The following CD1E variants were observed in gnomAD, a reference collection of about 807,000 sequenced individuals.
CD1E encodes the protein T-cell surface glycoprotein CD1e, membrane-associated.
Under a neutral mutation model 40.1 loss-of-function variants are expected in CD1E, and 49 were observed. That is an observed-to-expected ratio of 1.22 (90% CI 0.97 to 1.55). The LOEUF is 1.55. Among genes scored for constraint, CD1E ranks in the 40% most tolerant of loss-of-function variants. The probability of loss-of-function intolerance (pLI) is 0.00; values close to 1 mark genes in which losing one functional copy is unlikely to be tolerated. For synonymous variants in CD1E, 189 were observed against 178.3 expected, an observed-to-expected ratio of 1.06 and a Z score of -0.48; for missense variants, 492 against 471.3, an observed-to-expected ratio of 1.04 and a Z score of -0.41.
chr1:158,354,766 C>A, intron 2 of CD1E, 93 bp downstream of exon 2: 1 of 1,104,774 alleles, frequency 9.1e-7, no homozygotes, highest in East Asian at 2.5e-5. Context: ...CATCATTTAA[C>A]CTTACTAACC....
Position 158,353,933 on chromosome 1 carries a change from T to C in CD1E, c.-56T>C, listed in dbSNP as rs1325906444. The C allele has an allele frequency of 1.4e-5, 19 of 1,398,158 alleles. No individual in the cohort carries two copies. Among genetic ancestry groups the C allele is most frequent in the Non-Finnish European group, 1.9e-5 (19 of 984,112 alleles). The allele number at this position is 1,398,158 out of a possible 1,614,324, so 86.6% of individuals were successfully genotyped here. ...GAGGGTGTGGAGAGGGGTACTGATA[T>C]CTGAATTATTAGGGCAGGTGTCCTG... On this transcript the variant is annotated 5_prime_UTR_variant, in exon 1 of 6. Transcript: ENST00000368167.
chr1:158,354,143 C>T, intron 1 of CD1E, 97 bp downstream of exon 1: 3 of 1,087,080 alleles, frequency 2.8e-6, no homozygotes, highest in Non-Finnish European at 2.8e-6. Context: ...CAGTACTCTT[C>T]TAGGATGCCC....
In CD1E at chr1:158,354,481, G is replaced by A. The variant is rs779253608; in HGVS notation, c.163G>A (p.Gly55Ser). 6 of 1,613,974 alleles carry A rather than the reference G, an allele frequency of 3.7e-6. No homozygotes were observed. In the East Asian group the frequency reaches 6.7e-5, roughly 18 times the overall value. ...FANHSWAHSE[G>S]SGWLGDLQTH... The stretch of plus-strand genomic sequence containing the variant: ...CAACCACAGCTGGGCACACAGTGAG[G>A]GCTCAGGATGGCTGGGTGACCTGCA... Residue 55 changes from glycine (G) to serine (S), a missense_variant, in exon 2 of 6, where the codon GGC becomes AGC. Physicochemically the swap from Gly to Ser is moderately conservative, Grantham distance 56 (BLOSUM62 0). Transcript: ENST00000368167.
rs995121528 is a variant in CD1E at position 158,356,353 on chromosome 1, A to G, written c.905-145A>G. On this transcript the variant is annotated intron_variant, in intron 4 of 5. Coordinates refer to ENST00000368167, the MANE Select transcript of CD1E (RefSeq NM_030893.4). Reference sequence around the variant, plus strand: ...GGAGAGGGTTGGGAGGAGATCACAGACAAAGGATCAGGAGGAATTGAAATG... The same window carrying G: ...GGAGAGGGTTGGGAGGAGATCACAGGCAAAGGATCAGGAGGAATTGAAATG... 3.8e-6 allele frequency: 3 copies of G among 789,194 alleles called. No individual in the cohort carries two copies. In the African/African-American group the frequency reaches 5.2e-5, roughly 14 times the overall value. 48.9% of individuals were successfully genotyped at this position (789,194 alleles called of 1,614,324 possible).
chr1:158,354,499 G>A lies in CD1E; in HGVS notation c.181G>A (p.Asp61Asn), dbSNP rs1653365303. ...CAGTGAGGGCTCAGGATGGCTGGGT[G>A]ACCTGCAGACTCATGGCTGGGACAC... ...AHSEGSGWLG[D>N]LQTHGWDTVL... is the part of the protein sequence containing the mutation. Residue 61 changes from aspartate (D) to asparagine (N), a missense_variant, in exon 2 of 6, where the codon GAC becomes AAC. Physicochemically the swap from Asp to Asn is conservative, Grantham distance 23. Transcript: ENST00000368167. 6.2e-7 allele frequency: 1 copy of A among 1,614,134 alleles called. No individual in the cohort carries two copies. The highest frequency in any genetic ancestry group is 1.1e-5 in the South Asian group (1 of 91,064).
rs1261588404 is a variant in CD1E, at chr1:158,354,368, C to T, written c.59-9C>T. 1 of 1,576,854 alleles carries T rather than the reference C, an allele frequency of 6.3e-7. No homozygotes were observed. Among genetic ancestry groups the T allele is most frequent in the South Asian group, 1.2e-5 (1 of 84,490 alleles). ...CATTCTCTCTACTTGTCATTTCCCT[C>T]TCTCTCAGCTCCCCAGGCTCTACAA... On this transcript the variant is annotated splice_polypyrimidine_tract_variant and intron_variant, in intron 1 of 5. Transcript: ENST00000368167.
chr1:158,356,851 C>T lies in CD1E; in HGVS notation c.1122C>T (p.Asn374=), dbSNP rs996692178. The part of the protein sequence containing the change: ...FCLAQVSWIK[N]RVLKKWKTRL... ...TGGCACAAGTATCGTGGATCAAAAA[C>T]AGAGTATTGAAGAAGTGGAAGACAC... The change falls in exon 6 of 6, where the codon AAC becomes AAT. Residue 374 remains asparagine (N), a synonymous_variant. Coordinates refer to ENST00000368167, the MANE Select transcript of CD1E (RefSeq NM_030893.4). 2 of 1,613,922 alleles carry T rather than the reference C, an allele frequency of 1.2e-6. No homozygotes were observed. The highest frequency in any genetic ancestry group is 1.7e-6 in the Non-Finnish European group (2 of 1,180,016).
rs373972383 is a variant in CD1E at position 158,356,710 on chromosome 1, C to T, written c.999-18C>T. On this transcript the variant is annotated intron_variant, in intron 5 of 5. Coordinates refer to ENST00000368167, the MANE Select transcript of CD1E (RefSeq NM_030893.4). ...TATTTCCTTTCTTTGAGATTAATAT[C>T]CTCCTCTTTTCCCACAGTTCAAATA... The T allele has an allele frequency of 5.0e-5, 81 of 1,608,656 alleles. No individual in the cohort carries two copies. Among genetic ancestry groups the T allele is most frequent in the Non-Finnish European group, 6.3e-5 (74 of 1,177,238 alleles).
Position 158,354,601 on chromosome 1 carries a change from T to A in CD1E, c.283T>A (p.Ser95Thr). The change falls in exon 2 of 6, where the codon TCA becomes ACA. Residue 95 changes from serine to threonine, a missense_variant. Ser to Thr is a moderately conservative substitution (Grantham distance 58, BLOSUM62 1). Transcript: ENST00000368167. ...FSKQELKNLQ[S>T]LFQLYFHSFI... ...CAAGCAGGAGCTGAAAAACTTACAG[T>A]CACTGTTCCAGTTATACTTCCATAG... 1 of 1,614,168 alleles carries A rather than the reference T, an allele frequency of 6.2e-7. No homozygotes were observed. The highest frequency in any genetic ancestry group is 8.5e-7 in the Non-Finnish European group (1 of 1,180,008).
chr1:158,355,232 T>C, intron 2 of CD1E, 68 bp from the exon 3 acceptor site: 1 of 1,492,570 alleles, frequency 6.7e-7, no homozygotes, highest in Non-Finnish European at 9.2e-7. Flanking sequence ...CTCTTTACTG[T>C]CTAAATTGTT....
rs189080963 is a variant in CD1E at position 158,355,978 on chromosome 1, C to T, written c.777C>T (p.Val259=). ...AGCGGGGCACTCAGCGAGGGGACGT[C>T]CTGCCTAATGCTGACGAGACATGGT... The part of the protein sequence containing the change: ...QEQRGTQRGD[V]LPNADETWYL... Residue 259 remains valine, a synonymous_variant, in exon 4 of 6, where the codon GTC becomes GTT. Transcript: ENST00000368167. 2.6e-3 allele frequency: 4,120 copies of T among 1,614,110 alleles called. 62 individuals carry two copies. In the Admixed American group the frequency reaches 0.031, roughly 12 times the overall value.
Position 158,355,319 on chromosome 1 carries a change from A to G in CD1E, c.375A>G (p.Ile125Met). 4 of 1,613,944 alleles carry G rather than the reference A, an allele frequency of 2.5e-6. No homozygotes were observed. The highest frequency in any genetic ancestry group is 3.4e-6 in the Non-Finnish European group (4 of 1,179,902). The change falls in exon 3 of 6, where the codon ATA becomes ATG. Residue 125 changes from isoleucine (I) to methionine (M), a missense_variant. Transcript: ENST00000368167. ...FQLEYPFEIQILAGCRMNAPQ... is the reference protein window; with the variant it reads ...FQLEYPFEIQMLAGCRMNAPQ... ...TCTCAGACCCCTTCGAGATCCAGAT[A>G]TTAGCTGGCTGTAGAATGAATGCCC...
rs746811165 is a variant in CD1E, at chr1:158,354,066, A to G, written c.58+20A>G. 31 of 1,607,916 alleles carry G rather than the reference A, an allele frequency of 1.9e-5. No individual in the cohort carries two copies. The highest frequency in any genetic ancestry group is 2.6e-5 in the Non-Finnish European group (31 of 1,174,478). On this transcript the variant is annotated intron_variant, in intron 1 of 5. Transcript: ENST00000368167. ...CAGCAGGTAAGAAGAGTGCAGGTGG[A>G]AAGATACCTATGGTAGGGCACCAGA...
intron 3 of CD1E, 44 bp from the exon 4 acceptor site, chr1:158,355,783 G>T (rs1653565064): frequency 6.4e-7 from 1 of 1,568,330 alleles, no homozygotes; most frequent in Non-Finnish European, 8.6e-7. Flanking sequence ...CTGGCCTGGG[G>T]TGCCCTTCAA....
Position 158,356,863 on chromosome 1 carries a change from G to C in CD1E, c.1134G>C (p.Lys378Asn). 6.2e-7 allele frequency: 1 copy of C among 1,613,986 alleles called. No individual in the cohort carries two copies. The highest frequency in any genetic ancestry group is 8.5e-7 in the Non-Finnish European group (1 of 1,180,008). ...CGTGGATCAAAAACAGAGTATTGAA[G>C]AAGTGGAAGACACGCCTAAACCAAC... ...QVSWIKNRVL[K>N]KWKTRLNQLW The change falls in exon 6 of 6, where the codon AAG (lysine) becomes AAC (asparagine). Residue 378 changes from lysine to asparagine, a missense_variant. Physicochemically the swap from Lys to Asn is moderately conservative, Grantham distance 94. Transcript: ENST00000368167.
chr1:158,356,710 C>G lies in CD1E; in HGVS notation c.999-18C>G. On this transcript the variant is annotated intron_variant, in intron 5 of 5. Coordinates refer to ENST00000368167, the MANE Select transcript of CD1E (RefSeq NM_030893.4). ...TATTTCCTTTCTTTGAGATTAATATCCTCCTCTTTTCCCACAGTTCAAATA... is the reference window on the plus strand; with the variant it reads ...TATTTCCTTTCTTTGAGATTAATATGCTCCTCTTTTCCCACAGTTCAAATA... 1.2e-6 allele frequency: 2 copies of G among 1,608,768 alleles called. No homozygotes were observed. The highest frequency in any genetic ancestry group is 1.7e-6 in the Non-Finnish European group (2 of 1,177,230).
In CD1E at chr1:158,355,445, C is replaced by T; in HGVS notation, c.501C>T (p.Asn167=). 1 of 1,614,104 alleles carries T rather than the reference C, an allele frequency of 6.2e-7. No individual in the cohort carries two copies. Among genetic ancestry groups the T allele is most frequent in the Admixed American group, 1.7e-5 (1 of 60,016 alleles). ...PSPGAGIRAQ[N]ICKVLNRYLD... ...CAGGAGCAGGGATCCGGGCCCAGAACATCTGTAAAGTGCTCAATCGCTACC... is the reference window on the plus strand; with the variant it reads ...CAGGAGCAGGGATCCGGGCCCAGAATATCTGTAAAGTGCTCAATCGCTACC... Residue 167 remains asparagine, a synonymous_variant, in exon 3 of 6, where the codon AAC becomes AAT. Transcript: ENST00000368167.
chr1:158,355,639 T>C, intron 3 of CD1E, 70 bp downstream of exon 3: 1 of 1,520,658 alleles, frequency 6.6e-7, no homozygotes, highest in Non-Finnish European at 8.9e-7. Context: ...TTGCCTCTCA[T>C]CATCATTTTG....
rs1472184396 is a variant in CD1E, at chr1:158,356,248, C to G, written c.904+143C>G. 4.9e-6 allele frequency: 5 copies of G among 1,019,198 alleles called. No homozygotes were observed. In the African/African-American group the frequency reaches 6.5e-5, roughly 13 times the overall value. The allele number at this position is 1,019,198 out of a possible 1,614,324, so 63.1% of individuals were successfully genotyped here. The stretch of plus-strand genomic sequence containing the variant: ...CAAAATAAAGAAGGATAGAGTATGA[C>G]AGTAGTTAAATTTTAAGAAAATGGA... On this transcript the variant is annotated intron_variant, in intron 4 of 5. Transcript: ENST00000368167.
Sources: gnomAD v4.1 joint callset for allele counts on GRCh38, gnomAD v4.1.1 for gene constraint, MANE v1.5 for transcripts, NCBI Gene and HGNC (gene_info 2026-07-23, HGNC 2026-07-21) for gene names.